Variants in ATXN10 observed in about 807,000 individuals in gnomAD.
The protein encoded by ATXN10 is ataxin-10.
In ATXN10, 28 loss-of-function variants were observed where a neutral mutation model predicts 52.9. That is an observed-to-expected ratio of 0.53 (90% confidence interval 0.39 to 0.73). The LOEUF (loss-of-function observed/expected upper bound fraction) is 0.73. Ranked by LOEUF, ATXN10 falls within the 30% of genes least tolerant of loss-of-function variation. ATXN10 has a pLI of 0.00. For synonymous variants in ATXN10, 226 were observed against 221.5 expected, an observed-to-expected ratio of 1.02 and a Z score of -0.18; for missense variants, 565 against 577.0, an observed-to-expected ratio of 0.98 and a Z score of 0.21.
At chr22:45,741,584 G>A (rs1244035522) in intron 9 of ATXN10, among the ~76,000 whole-genome samples, 1 of 152,050 alleles carries the variant, frequency 6.6e-6, no homozygotes, top group Non-Finnish European at 1.5e-5. Flanking sequence ...TCCATCCTCA[G>A]TTTCTTACTT....
chr22:45,769,110 T>C lies in ATXN10; in HGVS notation c.1173+28572T>C, dbSNP rs1392795562. Among the ~76,000 whole-genome samples the C allele has an allele frequency of 6.6e-6, 1 of 152,082 alleles. No individual in the cohort carries two copies. Among genetic ancestry groups the C allele is most frequent in the East Asian group, 1.9e-4 (1 of 5,192 alleles). On this transcript the variant is annotated intron_variant, in intron 9 of 11. Coordinates refer to ENST00000252934, the MANE Select transcript of ATXN10 (RefSeq NM_013236.4). The surrounding 1 kb of genome is among the most constrained non-coding windows in gnomAD (Gnocchi z 4.2). Reference sequence around the variant, plus strand: ...TGAGTATGTATTATACCTCCCTCTCTCTGTACTTTGTGGTGTGTTTGGAAA... The same window carrying C: ...TGAGTATGTATTATACCTCCCTCTCCCTGTACTTTGTGGTGTGTTTGGAAA...
chr22:45,788,447 T>C lies in ATXN10; in HGVS notation c.1174-18512T>C, dbSNP rs574805392. 4.6e-5 allele frequency among the ~76,000 whole-genome samples: 7 copies of C among 151,410 alleles called. No individual in the cohort carries two copies. In the South Asian group the frequency reaches 1.5e-3, roughly 32 times the overall value. On this transcript the variant is annotated intron_variant, in intron 9 of 11. Coordinates refer to ENST00000252934, the MANE Select transcript of ATXN10 (RefSeq NM_013236.4). ...GTTAGTGTCTGATCTACCTTTACCA[T>C]GTATCTCGTATCCACCTGCATCTTT...
intron 10 of ATXN10, among the ~76,000 whole-genome samples, chr22:45,827,295 G>A (rs553454660): frequency 5.9e-5 from 9 of 152,092 alleles, no homozygotes; most frequent in Non-Finnish European, 1.2e-4. Context: ...ATAGCAAAAT[G>A]ACATAAATAA....
chr22:45,794,048 G>A (rs1927618342), intron 9 of ATXN10, among the ~76,000 whole-genome samples: 1 of 152,198 alleles, frequency 6.6e-6, no homozygotes, highest in Admixed American at 6.5e-5. Context: ...CTAGGAAAAG[G>A]GTGGCAACTC....
At position 45,841,628 on chromosome 22, in the gene ATXN10, A is replaced by G. The variant is rs1161249566; in HGVS notation, c.1238-1363A>G. Among the ~76,000 whole-genome samples, 1 of 152,250 alleles carries G rather than the reference A, an allele frequency of 6.6e-6. No individual in the cohort carries two copies. Among genetic ancestry groups the G allele is most frequent in the East Asian group, 1.9e-4 (1 of 5,208 alleles). On this transcript the variant is annotated intron_variant, in intron 10 of 11. Transcript: ENST00000252934. This position sits in a 1 kb window ranked among gnomAD's most constrained non-coding sequence, Gnocchi z 5.1. Reference sequence around the variant, plus strand: ...CCCCAAAAACACTTCCTGAGCATACAGCTGACTGTGTTTAGTACGTTTCAG... The same window carrying G: ...CCCCAAAAACACTTCCTGAGCATACGGCTGACTGTGTTTAGTACGTTTCAG...
rs546580873 is a variant in ATXN10 at position 45,837,401 on chromosome 22, C to A, written c.1238-5590C>A. ...TCAGCCTCCCGAGTAGCTGGGACTG[C>A]AGGCGGCTCACCAGCACGCCCAGCT... On this transcript the variant is annotated intron_variant, in intron 10 of 11. Transcript: ENST00000252934. The surrounding 1 kb of genome is among the most constrained non-coding windows in gnomAD (Gnocchi z 5.8). 6.6e-6 allele frequency among the ~76,000 whole-genome samples: 1 copy of A among 152,246 alleles called. No individual in the cohort carries two copies. The highest frequency in any genetic ancestry group is 2.1e-4 in the South Asian group (1 of 4,822).
At chr22:45,760,086 C>A (rs1010054006) in intron 9 of ATXN10, among the ~76,000 whole-genome samples, 1 of 152,196 alleles carries the variant, frequency 6.6e-6, no homozygotes, top group Non-Finnish European at 1.5e-5. Context: ...GCTAATTCCA[C>A]AACGTGGAAC....
chr22:45,731,072 T>C (rs771365719), intron 7 of ATXN10, among the ~76,000 whole-genome samples: 2 of 152,234 alleles, frequency 1.3e-5, no homozygotes, highest in Non-Finnish European at 2.9e-5. Context: ...TCTCTATCCC[T>C]TGTCTTTACT....
At chr22:45,796,649 C>G (rs1026916258) in intron 9 of ATXN10, among the ~76,000 whole-genome samples, 4 of 152,150 alleles carry the variant, frequency 2.6e-5, no homozygotes, top group Non-Finnish European at 5.9e-5. Flanking sequence ...AGAAAAGAAC[C>G]TACGTTGAAA....
chr22:45,713,567 C>T (rs1266741325), intron 5 of ATXN10, among the ~76,000 whole-genome samples: 1 of 152,118 alleles, frequency 6.6e-6, no homozygotes, highest in Non-Finnish European at 1.5e-5. Context: ...CACCAAGATG[C>T]AGAAATACTG....
In ATXN10 at chr22:45,818,904, C is replaced by T. The variant is rs530303452; in HGVS notation, c.1237+11882C>T. Among the ~76,000 whole-genome samples, 1 of 152,288 alleles carries T rather than the reference C, an allele frequency of 6.6e-6. No individual in the cohort carries two copies. The highest frequency in any genetic ancestry group is 1.9e-4 in the East Asian group (1 of 5,184). ...CGTGACTGATGCAGGCTGATGGCAG[C>T]ATCCTGGGGCCTGACCTTGGTGCAC... On this transcript the variant is annotated intron_variant, in intron 10 of 11. Transcript: ENST00000252934. This position sits in a 1 kb window ranked among gnomAD's most constrained non-coding sequence, Gnocchi z 4.6.
At chr22:45,821,125 A>G (rs1309420771) in intron 10 of ATXN10, among the ~76,000 whole-genome samples, 1 of 152,220 alleles carries the variant, frequency 6.6e-6, no homozygotes, top group African/African-American at 2.4e-5. Context: ...AAAAGCCTGT[A>G]GAAAAGTCAA....
chr22:45,817,502 T>G (rs1176386143), intron 10 of ATXN10, among the ~76,000 whole-genome samples: 1 of 152,088 alleles, frequency 6.6e-6, no homozygotes, highest in Non-Finnish European at 1.5e-5. Context: ...TTTTTGTATT[T>G]TCAGTAGAGA....
At chr22:45,793,527 A>G (rs1033814224) in intron 9 of ATXN10, 10 of 1,234,696 alleles carry the variant, frequency 8.1e-6, no homozygotes, top group South Asian at 7.9e-5. Flanking sequence ...ATTCTCTTTA[A>G]CAAATAATTC....
intron 5 of ATXN10, among the ~76,000 whole-genome samples, chr22:45,716,988 C>T (rs2146772417): frequency 6.6e-6 from 1 of 152,268 alleles, no homozygotes; most frequent in Middle Eastern, 3.4e-3. Flanking sequence ...GTCCTGACTT[C>T]CTTTTGAAGC....
rs576140771 is a variant in ATXN10, at chr22:45,790,899, A to G, written c.1174-16060A>G. On this transcript the variant is annotated intron_variant, in intron 9 of 11. Coordinates refer to ENST00000252934, the MANE Select transcript of ATXN10 (RefSeq NM_013236.4). This position sits in a 1 kb window ranked among gnomAD's most constrained non-coding sequence, Gnocchi z 4.7. ...TCTCTCTCCCTCTCTCTGTCGCCCA[A>G]TCTGCAGTGCAGTGGCACAGACATA... Among the ~76,000 whole-genome samples the G allele has an allele frequency of 1.4e-4, 22 of 152,170 alleles. No homozygotes were observed. Among genetic ancestry groups the G allele is most frequent in the East Asian group, 5.8e-4 (3 of 5,174 alleles).
rs369958624 is a variant in ATXN10 at position 45,746,940 on chromosome 22, CCAG to C, written c.1173+6406_1173+6408del. 2.4e-4 allele frequency among the ~76,000 whole-genome samples: 36 copies of C among 152,304 alleles called. 1 individual carries two copies. The South Asian group carries it at 3.7e-3, about 16-fold the overall frequency. On this transcript the variant is annotated intron_variant, in intron 9 of 11. Coordinates refer to ENST00000252934, the MANE Select transcript of ATXN10 (RefSeq NM_013236.4). ...GTGATACACATACGTAAACTGATCA[CCAG>C]CAGAACTGTGACATATGAAACACTT...
chr22:45,749,372 A>G (rs1284582583), intron 9 of ATXN10, among the ~76,000 whole-genome samples: 3 of 152,198 alleles, frequency 2.0e-5, no homozygotes, highest in East Asian at 1.9e-4. Context: ...GTTACCATCC[A>G]CTGCTTCCAC....
chr22:45,782,891 C>T (rs1300423856), intron 9 of ATXN10, among the ~76,000 whole-genome samples: 1 of 152,112 alleles, frequency 6.6e-6, no homozygotes, highest in African/African-American at 2.4e-5. Context: ...TGCATATGTA[C>T]CTGTGATAAA....
Sources: gnomAD v4.1 joint callset for allele counts (sites outside exome capture counted in the v4.1 genomes callset) on GRCh38, gnomAD v4.1.1 for gene constraint, Gnocchi (gnomAD v3.1) non-coding constraint, MANE v1.5 for transcripts, NCBI Gene and HGNC (gene_info 2026-07-23, HGNC 2026-07-21) for gene names.